KLHL38: variants seen among roughly 807,000 people sequenced by gnomAD.
KLHL38 encodes kelch-like protein 38.
Under a neutral mutation model 39.6 loss-of-function variants are expected in KLHL38, and 38 were observed. The observed-to-expected ratio is 0.96, with a 90% CI of 0.74 to 1.26. KLHL38 has a LOEUF of 1.26. Ranked by LOEUF, KLHL38 falls within the 50% of genes most tolerant of loss-of-function variation. The pLI is 0.00. For synonymous variants in KLHL38, 322 were observed against 302.2 expected, an observed-to-expected ratio of 1.07 and a Z score of -0.68; for missense variants, 803 against 748.1, an observed-to-expected ratio of 1.07 and a Z score of -0.86.
chr8:123,651,075 T>C (rs16898686), intron 2 of KLHL38, among the ~76,000 whole-genome samples: 9,095 of 152,310 alleles, frequency 0.06, 446 homozygotes, highest in East Asian at 0.23. Flanking sequence ...TTATGTATTA[T>C]TTTTGCACAA....
In KLHL38 at chr8:123,645,957, G is replaced by C. The variant is rs200081099; in HGVS notation, c.1528C>G (p.Arg510Gly). The C allele has an allele frequency of 1.9e-6, 3 of 1,614,114 alleles. No homozygotes were observed. Among genetic ancestry groups the C allele is most frequent in the Admixed American group, 3.3e-5 (2 of 60,022 alleles). The stretch of plus-strand genomic sequence containing the variant: ...ACTGTGGCCCCATGGTGCATCCTCC[G>C]GTCTTTCATGTCCGCACATTTGACA... ...KFVKCADMKD[R>G]RMHHGATVMG... The change falls in exon 4 of 4, where the codon CGG becomes GGG. Residue 510 changes from arginine to glycine, a missense_variant. By Grantham distance (125) the Arg-to-Gly change is moderately radical (BLOSUM62 -2). Transcript: ENST00000684634.
Position 123,645,008 on chromosome 8 carries a change from T to A in KLHL38, c.*731A>T, listed in dbSNP as rs908466481. On this transcript the variant is annotated 3_prime_UTR_variant, in exon 4 of 4. Transcript: ENST00000684634. The stretch of plus-strand genomic sequence containing the variant: ...CTAGAGAGAGAGGAAAACCTAGGGA[T>A]GAGAGAGAGGAAGACAGAGGGGAGA... 7.4e-6 allele frequency among the ~76,000 whole-genome samples: 1 copy of A among 135,016 alleles called. No individual in the cohort carries two copies. Among genetic ancestry groups the A allele is most frequent in the Non-Finnish European group, 1.6e-5 (1 of 62,070 alleles). 88.6% of individuals were successfully genotyped at this position (135,016 alleles called of 152,430 possible). A position where few individuals can be genotyped will look rare whatever the true frequency, so the allele number is the denominator to read the frequency against.
Position 123,652,087 on chromosome 8 carries a change from G to A in KLHL38, c.840C>T (p.Asn280=). 6.2e-7 allele frequency: 1 copy of A among 1,614,228 alleles called. No individual in the cohort carries two copies. Among genetic ancestry groups the A allele is most frequent in the Non-Finnish European group, 8.5e-7 (1 of 1,180,046 alleles). ...CKLLLHVPPR[N]SYQDFLILLG... ...AGAGGATGAGGAAATCTTGGTAAGA[G>A]TTTCTTGGAGGGACATGCAACAGGA... is the stretch of plus-strand genomic sequence containing the variant. Residue 280 remains asparagine, a synonymous_variant, in exon 2 of 4, where the codon AAC becomes AAT. Transcript: ENST00000684634.
rs1818650020 is a variant in KLHL38, at chr8:123,645,731, TGTC to T, written c.*5_*7del. ...ATTTTGACTAGGGCAGAAGGTTTCT[TGTC>T]GACCTCATGGGAGGCCAGACGTGCG... On this transcript the variant is annotated 3_prime_UTR_variant, in exon 4 of 4. Coordinates refer to ENST00000684634, the MANE Select transcript of KLHL38 (RefSeq NM_001081675.3). 6.2e-7 allele frequency: 1 copy of T among 1,611,870 alleles called. No individual in the cohort carries two copies. The highest frequency in any genetic ancestry group is 8.5e-7 in the Non-Finnish European group (1 of 1,178,270).
intron 2 of KLHL38, among the ~76,000 whole-genome samples, chr8:123,650,293 T>TG (rs1198866606): frequency 6.6e-6 from 1 of 152,020 alleles, no homozygotes; most frequent in Non-Finnish European, 1.5e-5. Flanking sequence ...CTAACACAAA[T>TG]GATAGCTGAT....
chr8:123,646,852 T>C lies in KLHL38; in HGVS notation c.1456+57A>G, dbSNP rs981722629. ...TAACATCTGTCTATGAGTGACCTTTTTTCCATAGAAGGTGCCAAGTTTGTG... is the reference window on the plus strand; with the variant it reads ...TAACATCTGTCTATGAGTGACCTTTCTTCCATAGAAGGTGCCAAGTTTGTG... On this transcript the variant is annotated intron_variant, in intron 3 of 3. Transcript: ENST00000684634. 1.6e-5 allele frequency: 20 copies of C among 1,222,140 alleles called. No homozygotes were observed. In the African/African-American group the frequency reaches 2.6e-4, roughly 16 times the overall value. The allele number at this position is 1,222,140 out of a possible 1,614,324, so 75.7% of individuals were successfully genotyped here. A position where few individuals can be genotyped will look rare whatever the true frequency, so the allele number is the denominator to read the frequency against.
chr8:123,652,672 CA>C lies in KLHL38; in HGVS notation c.254del (p.Leu85ArgfsTer23). ...TATACACGTAGGAGACGATCTGGTC[CA>C]GGGTTGGGGGGTCAATGCCTTTCAG... ...VQLKGIDPPT[L>X]DQIVSYVYTG... On this transcript the variant is annotated frameshift_variant, in exon 2 of 4. Transcript: ENST00000684634. LOFTEE classifies it high-confidence loss of function. 2 of 1,614,184 alleles carry C rather than the reference CA, an allele frequency of 1.2e-6. No individual in the cohort carries two copies. The highest frequency in any genetic ancestry group is 2.2e-5 in the South Asian group (2 of 91,086).
chr8:123,651,690 T>C lies in KLHL38; in HGVS notation c.1237A>G (p.Ser413Gly). Residue 413 changes from serine (S) to glycine (G), a missense_variant, in exon 2 of 4, where the codon AGT becomes GGT. Ser to Gly is a moderately conservative substitution (Grantham distance 56). Coordinates refer to ENST00000684634, the MANE Select transcript of KLHL38 (RefSeq NM_001081675.3). ...RYDSICNVWE[S>G]MASMPVGVLH... ...ACCCCCACGGGCATGCTGGCCATACTCTCCCAGACATTGCAGATGCTGTCA... is the reference window on the plus strand; with the variant it reads ...ACCCCCACGGGCATGCTGGCCATACCCTCCCAGACATTGCAGATGCTGTCA... 1.2e-6 allele frequency: 2 copies of C among 1,614,110 alleles called. No individual in the cohort carries two copies. Among genetic ancestry groups the C allele is most frequent in the Non-Finnish European group, 1.7e-6 (2 of 1,180,010 alleles).
rs1818646855 is a variant in KLHL38 at position 123,645,515 on chromosome 8, G to A, written c.*224C>T. 1 of 567,426 alleles carries A rather than the reference G, an allele frequency of 1.8e-6. No homozygotes were observed. Among genetic ancestry groups the A allele is most frequent in the South Asian group, 2.4e-5 (1 of 41,094 alleles). 35.1% of individuals were successfully genotyped at this position (567,426 alleles called of 1,614,324 possible). ...ATAGGGGAGAGAAAGAAAGAAGGGGGAAAGACAGAGACAGATGGAGGTGGG... is the reference window on the plus strand; with the variant it reads ...ATAGGGGAGAGAAAGAAAGAAGGGGAAAAGACAGAGACAGATGGAGGTGGG... On this transcript the variant is annotated 3_prime_UTR_variant, in exon 4 of 4. Coordinates refer to ENST00000684634, the MANE Select transcript of KLHL38 (RefSeq NM_001081675.3).
At chr8:123,647,292 C>A (rs1228547496) in intron 2 of KLHL38, among the ~76,000 whole-genome samples, 2 of 152,090 alleles carry the variant, frequency 1.3e-5, no homozygotes, top group East Asian at 3.9e-4. Flanking sequence ...GTTTTACTTA[C>A]CTTGCTTGGA....
chr8:123,646,563 G>A (rs1427118220), intron 3 of KLHL38, among the ~76,000 whole-genome samples: 2 of 152,174 alleles, frequency 1.3e-5, no homozygotes, highest in South Asian at 2.1e-4. Context: ...ACTATGATTT[G>A]ATTACAGAGA....
rs1469244396 is a variant in KLHL38 at position 123,645,253 on chromosome 8, C to A, written c.*486G>T. The stretch of plus-strand genomic sequence containing the variant: ...AGGAGTTCGTGACCAGCCTGGCCAA[C>A]ATAGTGAAACCCTGTCTTTACTAAA... On this transcript the variant is annotated 3_prime_UTR_variant, in exon 4 of 4. Transcript: ENST00000684634. 2.6e-5 allele frequency among the ~76,000 whole-genome samples: 4 copies of A among 152,076 alleles called. No individual in the cohort carries two copies. The highest frequency in any genetic ancestry group is 9.7e-5 in the African/African-American group (4 of 41,398).
chr8:123,652,651 C>T lies in KLHL38; in HGVS notation c.276G>A (p.Val92=), dbSNP rs146699105. 61 of 1,614,206 alleles carry T rather than the reference C, an allele frequency of 3.8e-5. No individual in the cohort carries two copies. The African/African-American group carries it at 6.8e-4, about 18-fold the overall frequency. Residue 92 remains valine, a synonymous_variant, in exon 2 of 4, where the codon GTG becomes GTA. Transcript: ENST00000684634. ...PPTLDQIVSY[V]YTGEAHIATD... Reference sequence around the variant, plus strand: ...TGGCAATATGTGCCTCCCCCGTATACACGTAGGAGACGATCTGGTCCAGGG... The same window carrying T: ...TGGCAATATGTGCCTCCCCCGTATATACGTAGGAGACGATCTGGTCCAGGG...
intron 2 of KLHL38, among the ~76,000 whole-genome samples, chr8:123,647,666 G>T (rs1368757499): frequency 6.6e-6 from 1 of 152,100 alleles, no homozygotes; most frequent in Admixed American, 6.6e-5. Context: ...GTTCATTATG[G>T]GCAAAATTTA....
rs1818632931 is a variant in KLHL38, at chr8:123,645,034, C to CAGAG, written c.*704_*705insCTCT. 5.2e-5 allele frequency among the ~76,000 whole-genome samples: 1 copy of CAGAG among 19,254 alleles called. No homozygotes were observed. Among genetic ancestry groups the CAGAG allele is most frequent in the African/African-American group, 2.6e-4 (1 of 3,856 alleles). The allele number at this position is 19,254 out of a possible 152,430, so 12.6% of individuals were successfully genotyped here. ...GAGAGAGAGGAAGACAGAGGGGAGA[C>CAGAG]TGAGAGAGAGAGAGAGAGAGAGGGG... On this transcript the variant is annotated 3_prime_UTR_variant, in exon 4 of 4. Coordinates refer to ENST00000684634, the MANE Select transcript of KLHL38 (RefSeq NM_001081675.3).
chr8:123,648,652 G>A (rs1033719065), intron 2 of KLHL38, among the ~76,000 whole-genome samples: 3 of 152,184 alleles, frequency 2.0e-5, no homozygotes, highest in Non-Finnish European at 4.4e-5. Context: ...CCCCAAAGAG[G>A]CTGGGGCAAG....
intron 2 of KLHL38, among the ~76,000 whole-genome samples, chr8:123,651,232 C>T (rs16898687): frequency 0.13 from 20,092 of 152,040 alleles, 1,800 homozygotes; most frequent in South Asian, 0.24. Flanking sequence ...TATTTGTGTT[C>T]GTGCATATGT....
rs1330074040 is a variant in KLHL38 at position 123,645,308 on chromosome 8, A to G, written c.*431T>C. On this transcript the variant is annotated 3_prime_UTR_variant, in exon 4 of 4. Coordinates refer to ENST00000684634, the MANE Select transcript of KLHL38 (RefSeq NM_001081675.3). ...AAAAATTAGCTGGACTTGGTGGCAC[A>G]TGCCTATAATCCCAGCTACTCAGGA... is the stretch of plus-strand genomic sequence containing the variant. 6.6e-6 allele frequency among the ~76,000 whole-genome samples: 1 copy of G among 152,136 alleles called. No homozygotes were observed. Among genetic ancestry groups the G allele is most frequent in the African/African-American group, 2.4e-5 (1 of 41,424 alleles).
In KLHL38 at chr8:123,651,813, C is replaced by A. The variant is rs1333590867; in HGVS notation, c.1114G>T (p.Ala372Ser). The change falls in exon 2 of 4, where the codon GCC becomes TCC. Residue 372 changes from alanine to serine, a missense_variant. Transcript: ENST00000684634. ...QWRLGEPMLV[A>S]RYSHRSTAHK... ...GCAGTGCTTCTGTGGGAGTAGCGGGCCACCAGCATGGGCTCCCCCAGCCTC... is the reference window on the plus strand; with the variant it reads ...GCAGTGCTTCTGTGGGAGTAGCGGGACACCAGCATGGGCTCCCCCAGCCTC... 6.2e-7 allele frequency: 1 copy of A among 1,614,128 alleles called. No individual in the cohort carries two copies. Among genetic ancestry groups the A allele is most frequent in the Admixed American group, 1.7e-5 (1 of 60,030 alleles).
Sources: gnomAD v4.1 joint callset for allele counts (sites outside exome capture counted in the v4.1 genomes callset) on GRCh38, gnomAD v4.1.1 for gene constraint, MANE v1.5 for transcripts, NCBI Gene and HGNC (gene_info 2026-07-23, HGNC 2026-07-21) for gene names.